EIF4E1B: variants seen among roughly 807,000 people sequenced by gnomAD.
EIF4E1B encodes the protein eukaryotic translation initiation factor 4E type 1B.
EIF4E1B carries 22 observed loss-of-function variants against 31.3 expected under a neutral mutation model. That is an observed-to-expected ratio of 0.70 (90% CI 0.50 to 1.00). EIF4E1B has a LOEUF of 1.00. EIF4E1B is among the 50% of genes least tolerant of loss of function. The pLI, the probability that EIF4E1B is intolerant of heterozygous loss-of-function variation, is 0.00. For missense variants in EIF4E1B, 290 were observed against 311.6 expected (o/e 0.93, Z 0.52); for synonymous variants, 126 against 120.2 (o/e 1.05, Z -0.31).
At chr5:176,643,971 C>T in intron 5 of EIF4E1B, 1 of 582,948 alleles carries the variant, frequency 1.7e-6, no homozygotes, top group Non-Finnish European at 3.0e-6. Context: ...TCGGCCACTC[C>T]AGGGCTTTGT....
rs1420214008 is a variant in EIF4E1B, at chr5:176,645,027, C to T, written c.361-103C>T. The T allele has an allele frequency of 9.7e-7, 1 of 1,027,466 alleles. No individual in the cohort carries two copies. Among genetic ancestry groups the T allele is most frequent in the African/African-American group, 1.6e-5 (1 of 62,284 alleles). The allele number at this position is 1,027,466 out of a possible 1,614,324, so 63.6% of individuals were successfully genotyped here. A position where few individuals can be genotyped will look rare whatever the true frequency, so the allele number is the denominator to read the frequency against. On this transcript the variant is annotated intron_variant, in intron 6 of 8. Transcript: ENST00000318682. This position sits in a 1 kb window ranked among gnomAD's most constrained non-coding sequence, Gnocchi z 5.4. Reference sequence around the variant, plus strand: ...GGAAGGGAGGATAAGAGAATCTGGCCTACTTAGGGCCTCAGCAGAGAGCGG... The same window carrying T: ...GGAAGGGAGGATAAGAGAATCTGGCTTACTTAGGGCCTCAGCAGAGAGCGG...
intron 6 of EIF4E1B, 53 bp downstream of exon 6, chr5:176,644,492 T>G: frequency 8.9e-7 from 1 of 1,121,940 alleles, no homozygotes; most frequent in Non-Finnish European, 1.2e-6. Flanking sequence ...GGTTGATCCC[T>G]CCCGGACTCC....
Position 176,642,699 on chromosome 5 carries a change from C to A in EIF4E1B, c.-78-11C>A, listed in dbSNP as rs983856230. The A allele has an allele frequency of 6.5e-7, 1 of 1,536,758 alleles. No individual in the cohort carries two copies. Among genetic ancestry groups the A allele is most frequent in the African/African-American group, 1.4e-5 (1 of 72,540 alleles). ...TTCGAGCAGGCTCCAAATATTGACG[C>A]TTACCTTCAGGTCTTGGCCCCCATG... On this transcript the variant is annotated splice_polypyrimidine_tract_variant and intron_variant, in intron 2 of 8. Transcript: ENST00000318682.
At chr5:176,637,176 C>T (rs1266296962) in intron 1 of EIF4E1B, among the ~76,000 whole-genome samples, 1 of 152,172 alleles carries the variant, frequency 6.6e-6, no homozygotes, top group South Asian at 2.1e-4. Flanking sequence ...TGGTGGCTCA[C>T]CCCTGTAAGC....
chr5:176,640,305 G>A (rs1006119493), intron 1 of EIF4E1B, among the ~76,000 whole-genome samples: 1 of 152,182 alleles, frequency 6.6e-6, no homozygotes, highest in Admixed American at 6.5e-5. Flanking sequence ...GATGACTCCA[G>A]CCCCAACCTG....
chr5:176,646,432 TGA>T lies in EIF4E1B; in HGVS notation c.*458_*459del, dbSNP rs1052831195. On this transcript the variant is annotated 3_prime_UTR_variant, in exon 9 of 9. Transcript: ENST00000318682. ...GAGGGATACGTGGGTTGCTGAGGAC[TGA>T]GAGAGCCTTGCAAGGCCGCTCCCCT... 1.3e-5 allele frequency: 2 copies of T among 158,700 alleles called. No homozygotes were observed. Among genetic ancestry groups the T allele is most frequent in the Non-Finnish European group, 2.8e-5 (2 of 71,740 alleles). The allele number at this position is 158,700 out of a possible 1,614,324, so 9.8% of individuals were successfully genotyped here.
chr5:176,637,510 G>C (rs1760513979), intron 1 of EIF4E1B, among the ~76,000 whole-genome samples: 1 of 152,154 alleles, frequency 6.6e-6, no homozygotes, highest in African/African-American at 2.4e-5. Flanking sequence ...AATGTATGGT[G>C]CGTCAGGAGG....
At position 176,645,778 on chromosome 5, in the gene EIF4E1B, A is replaced by AG. The variant is rs957191476; in HGVS notation, c.615-85dup. On this transcript the variant is annotated intron_variant, in intron 8 of 8. Transcript: ENST00000318682. The surrounding 1 kb of genome is among the most constrained non-coding windows in gnomAD (Gnocchi z 5.4). ...AACAGGTGTGGCTGTGGCCAGAATG[A>AG]GGGTAGGAGTCTGGTGGCCTAAGTT... 1.5e-5 allele frequency: 19 copies of AG among 1,235,418 alleles called. No individual in the cohort carries two copies. Among genetic ancestry groups the AG allele is most frequent in the Non-Finnish European group, 2.0e-5 (18 of 900,232 alleles). The allele number at this position is 1,235,418 out of a possible 1,614,324, so 76.5% of individuals were successfully genotyped here.
chr5:176,630,859 G>A lies in EIF4E1B; in HGVS notation c.-407G>A, dbSNP rs1414364909. 1 of 152,312 alleles carries A rather than the reference G, an allele frequency of 6.6e-6. No individual in the cohort carries two copies. The highest frequency in any genetic ancestry group is 1.5e-5 in the Non-Finnish European group (1 of 68,052). The allele number at this position is 152,312 out of a possible 1,614,324, so 9.4% of individuals were successfully genotyped here. The stretch of plus-strand genomic sequence containing the variant: ...GTTTCCTCCTCTGTAAAACAGGAAT[G>A]GTTAATTCAACGAATGTTTACTGAG... On this transcript the variant is annotated 5_prime_UTR_variant, in exon 1 of 9. An upstream start codon of the reference 5' UTR is lost. Transcript: ENST00000318682.
In EIF4E1B at chr5:176,645,150, G is replaced by C. The variant is rs1395419592; in HGVS notation, c.381G>C (p.Trp127Cys). 2 of 1,568,720 alleles carry C rather than the reference G, an allele frequency of 1.3e-6. No individual in the cohort carries two copies. Among genetic ancestry groups the C allele is most frequent in the Non-Finnish European group, 1.7e-6 (2 of 1,156,980 alleles). ...ALFKDGIQPM[W>C]EDSRNKRGGR... ...TGCAGGATGGCATCCAGCCCATGTG[G>C]GAGGACAGCAGGAATAAACGGGGTG... Residue 127 changes from tryptophan (W) to cysteine (C), a missense_variant, in exon 7 of 9, where the codon TGG (tryptophan) becomes TGC (cysteine). Coordinates refer to ENST00000318682, the MANE Select transcript of EIF4E1B (RefSeq NM_001099408.2). This position sits in a 1 kb window ranked among gnomAD's most constrained non-coding sequence, Gnocchi z 5.4.
chr5:176,645,197 C>T lies in EIF4E1B; in HGVS notation c.428C>T (p.Ala143Val). 1 of 1,586,534 alleles carries T rather than the reference C, an allele frequency of 6.3e-7. No individual in the cohort carries two copies. Among genetic ancestry groups the T allele is most frequent in the Non-Finnish European group, 8.6e-7 (1 of 1,166,842 alleles). The change falls in exon 7 of 9, where the codon GCC (alanine) becomes GTC (valine). Residue 143 changes from alanine (A) to valine (V), a missense_variant. Transcript: ENST00000318682. The surrounding 1 kb of genome is among the most constrained non-coding windows in gnomAD (Gnocchi z 5.4). ...GGTGGCCGCTGGCTGGTCAGCCTGG[C>T]CAAGCAGCAGCGCCACATTGAGCTG... ...KRGGRWLVSL[A>V]KQQRHIELDR...
At chr5:176,636,997 C>T (rs978216223) in intron 1 of EIF4E1B, among the ~76,000 whole-genome samples, 7 of 152,230 alleles carry the variant, frequency 4.6e-5, no homozygotes, top group South Asian at 2.1e-4. Context: ...CCACAAAAGA[C>T]GCTTCCACTG....
rs1351987145 is a variant in EIF4E1B, at chr5:176,645,001, G to A, written c.361-129G>A. On this transcript the variant is annotated intron_variant, in intron 6 of 8. Transcript: ENST00000318682. The surrounding 1 kb of genome is among the most constrained non-coding windows in gnomAD (Gnocchi z 5.4). ...TGGGGGTGGAACCTGCTTGCACTGA[G>A]GGAAGGGAGGATAAGAGAATCTGGC... 1 of 788,736 alleles carries A rather than the reference G, an allele frequency of 1.3e-6. No individual in the cohort carries two copies. The highest frequency in any genetic ancestry group is 2.6e-5 in the Admixed American group (1 of 38,536). The allele number at this position is 788,736 out of a possible 1,614,324, so 48.9% of individuals were successfully genotyped here.
Position 176,642,865 on chromosome 5 carries a change from C to CCGCCG in EIF4E1B, c.15+63_15+64insCGCCG, listed in dbSNP as rs56115420. ...GCCCCGCCCTCTCCCCCCCCCCCCC[C>CCGCCG]GCCCCAGGTGGGCGGGGCAGGTGCT... On this transcript the variant is annotated intron_variant, in intron 3 of 8. Transcript: ENST00000318682. The CCGCCG allele has an allele frequency of 1.5e-4, 171 of 1,173,028 alleles. 6 individuals are homozygous for CCGCCG. The highest frequency in any genetic ancestry group is 3.2e-4 in the Middle Eastern group (1 of 3,114). The allele number at this position is 1,173,028 out of a possible 1,614,324, so 72.7% of individuals were successfully genotyped here.
chr5:176,643,558 G>A lies in EIF4E1B; in HGVS notation c.201-81G>A, dbSNP rs1312172086. The A allele has an allele frequency of 3.7e-5, 50 of 1,361,972 alleles. 1 individual carries two copies. Among genetic ancestry groups the A allele is most frequent in the Non-Finnish European group, 4.9e-5 (48 of 979,394 alleles). The allele number at this position is 1,361,972 out of a possible 1,614,324, so 84.4% of individuals were successfully genotyped here. ...TCCCAGTTCGCCCTTGAAGGGGAGGGTCCTCCCTGTCAGTCCAGGTGCCCC... is the reference window on the plus strand; with the variant it reads ...TCCCAGTTCGCCCTTGAAGGGGAGGATCCTCCCTGTCAGTCCAGGTGCCCC... On this transcript the variant is annotated intron_variant, in intron 4 of 8. Coordinates refer to ENST00000318682, the MANE Select transcript of EIF4E1B (RefSeq NM_001099408.2).
intron 1 of EIF4E1B, among the ~76,000 whole-genome samples, chr5:176,637,134 C>T (rs995337895): frequency 6.6e-6 from 1 of 152,230 alleles, no homozygotes; most frequent in Non-Finnish European, 1.5e-5. Flanking sequence ...GGGGACACAG[C>T]TGTGAACAAG....
At position 176,646,026 on chromosome 5, in the gene EIF4E1B, A is replaced by G. The variant is rs1339825507; in HGVS notation, c.*46A>G. The G allele has an allele frequency of 2.2e-5, 33 of 1,510,800 alleles. No individual in the cohort carries two copies. Among genetic ancestry groups the G allele is most frequent in the Non-Finnish European group, 2.9e-5 (32 of 1,109,106 alleles). 93.6% of individuals were successfully genotyped at this position (1,510,800 alleles called of 1,614,324 possible). ...CTATGTAATGGGACAGCCGCCACTG[A>G]GCCTCATTACTTTGGGGGATGGGGC... is the stretch of plus-strand genomic sequence containing the variant. On this transcript the variant is annotated 3_prime_UTR_variant, in exon 9 of 9. Transcript: ENST00000318682.
rs1760703723 is a variant in EIF4E1B at position 176,646,116 on chromosome 5, TTAACA to T, written c.*138_*142del. The T allele has an allele frequency of 1.4e-6, 1 of 737,418 alleles. No homozygotes were observed. 45.7% of individuals were successfully genotyped at this position (737,418 alleles called of 1,614,324 possible). On this transcript the variant is annotated 3_prime_UTR_variant, in exon 9 of 9. Transcript: ENST00000318682. The stretch of plus-strand genomic sequence containing the variant: ...AAGTGAACAGGAATGCAAACACTCT[TTAACA>T]TGAGTTGGGGCCTGAGCCTTAGGGG...
Position 176,644,381 on chromosome 5 carries a change from A to C in EIF4E1B, c.302A>C (p.Tyr101Ser). Residue 101 changes from tyrosine to serine, a missense_variant, in exon 6 of 9, where the codon TAC becomes TCC. Physicochemically the swap from Tyr to Ser is moderately radical, Grantham distance 144. Transcript: ENST00000318682. ...VDTVEDFWALYSHIQLASKLS... is the reference protein window; with the variant it reads ...VDTVEDFWALSSHIQLASKLS... ...GGGTCGGGGGCTCTGTCCAGGCTAT[A>C]CAGTCACATCCAGCTGGCCAGCAAG... is the stretch of plus-strand genomic sequence containing the variant. 6.3e-7 allele frequency: 1 copy of C among 1,590,104 alleles called. No individual in the cohort carries two copies. The highest frequency in any genetic ancestry group is 8.6e-7 in the Non-Finnish European group (1 of 1,168,068).
Sources: allele counts gnomAD v4.1 joint callset (sites outside exome capture counted in the v4.1 genomes callset), GRCh38; gene constraint gnomAD v4.1.1; non-coding constraint Gnocchi (gnomAD v3.1); transcripts MANE v1.5; gene names NCBI Gene and HGNC (gene_info 2026-07-23, HGNC 2026-07-21).